SYN3: variants seen among roughly 807,000 people sequenced by gnomAD.
SYN3 encodes synapsin-3.
Under a neutral mutation model 65.8 loss-of-function variants are expected in SYN3, and 35 were observed. The observed-to-expected ratio is 0.53, with a 90% confidence interval of 0.41 to 0.70. SYN3 has a LOEUF of 0.70. Ranked by LOEUF, SYN3 falls within the 30% of genes least tolerant of loss-of-function variation. The pLI is 0.00. For synonymous variants in SYN3, 270 were observed against 292.9 expected (o/e 0.92, Z 0.80); for missense variants, 680 against 749.0 (o/e 0.91, Z 1.08).
chr22:32,978,230 G>A (rs1197380608), intron 3 of SYN3, among the ~76,000 whole-genome samples: 1 of 152,144 alleles, frequency 6.6e-6, no homozygotes, highest in Non-Finnish European at 1.5e-5. Context: ...TGATGGGGAT[G>A]AAGGGAGAAG....
At chr22:32,913,867 A>T (rs1224629499) in intron 4 of SYN3, among the ~76,000 whole-genome samples, 3 of 152,220 alleles carry the variant, frequency 2.0e-5, no homozygotes, top group Non-Finnish European at 4.4e-5. Flanking sequence ...AAAAATAGCA[A>T]AAGTCTCACT....
chr22:32,524,773 G>T (rs2057947319), intron 12 of SYN3, among the ~76,000 whole-genome samples: 1 of 152,184 alleles, frequency 6.6e-6, no homozygotes, highest in Non-Finnish European at 1.5e-5. Flanking sequence ...CACTTTGGGA[G>T]GCCGAGGCGG....
At chr22:32,626,512 G>A (rs765120759) in intron 6 of SYN3, among the ~76,000 whole-genome samples, 1 of 152,190 alleles carries the variant, frequency 6.6e-6, no homozygotes, top group Admixed American at 6.5e-5. Context: ...ACAGCTTTGA[G>A]TAAACAAGGA....
chr22:33,051,092 C>T (rs747948256), intron 1 of SYN3, among the ~76,000 whole-genome samples: 2 of 152,080 alleles, frequency 1.3e-5, no homozygotes, highest in African/African-American at 4.8e-5. Context: ...TCTACCTCTG[C>T]GATTTACAAG....
chr22:32,642,001 G>A (rs1203127741), intron 6 of SYN3, among the ~76,000 whole-genome samples: 1 of 151,996 alleles, frequency 6.6e-6, no homozygotes. Flanking sequence ...TTAAGTTTCC[G>A]GTTAAGGCCC....
chr22:32,913,874 C>T (rs2050122565), intron 4 of SYN3, among the ~76,000 whole-genome samples: 1 of 152,202 alleles, frequency 6.6e-6, no homozygotes, highest in Admixed American at 6.5e-5. Context: ...GCAAAAGTCT[C>T]ACTCTTTAAC....
At chr22:32,588,877 A>G (rs1001608757) in intron 7 of SYN3, among the ~76,000 whole-genome samples, 6 of 152,176 alleles carry the variant, frequency 3.9e-5, no homozygotes, top group African/African-American at 1.4e-4. Flanking sequence ...ACCAGGGAAG[A>G]GGCAAAAGCA....
chr22:32,626,122 A>C (rs910828036), intron 6 of SYN3, among the ~76,000 whole-genome samples: 1 of 152,172 alleles, frequency 6.6e-6, no homozygotes, highest in Admixed American at 6.5e-5. Context: ...GGGTGTTCCC[A>C]GTAGGCAGAG....
At chr22:32,892,030 C>T (rs2049461777) in intron 4 of SYN3, among the ~76,000 whole-genome samples, 1 of 151,826 alleles carries the variant, frequency 6.6e-6, no homozygotes, top group African/African-American at 2.4e-5. Flanking sequence ...GCGCATAGCT[C>T]ATACCTGTAA....
intron 6 of SYN3, among the ~76,000 whole-genome samples, chr22:32,645,222 A>T (rs5749476): frequency 1.3e-5 from 2 of 151,990 alleles, no homozygotes; most frequent in Non-Finnish European, 2.9e-5. Context: ...AGGGCCGAGG[A>T]GGGCAGATCA....
chr22:32,704,272 G>A (rs2060850083), intron 6 of SYN3, among the ~76,000 whole-genome samples: 2 of 151,948 alleles, frequency 1.3e-5, no homozygotes, highest in African/African-American at 4.8e-5. Context: ...TTGTGTTCAT[G>A]TGTTCACATC....
At chr22:32,777,591 C>A (rs2045939957) in intron 6 of SYN3, among the ~76,000 whole-genome samples, 1 of 152,144 alleles carries the variant, frequency 6.6e-6, no homozygotes, top group Admixed American at 6.5e-5. Flanking sequence ...GCTTCCTGAG[C>A]TCCTGTGTGT....
chr22:32,711,304 A>G (rs2060962211), intron 6 of SYN3, among the ~76,000 whole-genome samples: 1 of 152,184 alleles, frequency 6.6e-6, no homozygotes, highest in African/African-American at 2.4e-5. Flanking sequence ...GCATGGGGAG[A>G]CGATCTGAAC....
intron 12 of SYN3, chr22:32,519,321 T>TC (rs201489428): frequency 5.3e-5 from 8 of 151,998 alleles, no homozygotes; most frequent in Non-Finnish European, 1.0e-4. Context: ...TTTTTTTTTT[T>TC]CTCACGGGTA....
chr22:32,713,711 G>T (rs1366826865), intron 6 of SYN3, among the ~76,000 whole-genome samples: 1 of 151,718 alleles, frequency 6.6e-6, no homozygotes, highest in Non-Finnish European at 1.5e-5. Context: ...GGCGCCTGTA[G>T]TCCCAGCTAC....
intron 3 of SYN3, 97 bp from the exon 4 acceptor site, chr22:32,931,578 T>G (rs1380209808): frequency 1.3e-6 from 1 of 774,514 alleles, no homozygotes; most frequent in Admixed American, 2.1e-5. Context: ...AAAGTACACC[T>G]TTAAAGCTCC....
intron 7 of SYN3, among the ~76,000 whole-genome samples, chr22:32,561,074 G>A (rs945649967): frequency 3.9e-5 from 6 of 152,160 alleles, no homozygotes; most frequent in African/African-American, 1.4e-4. Context: ...AGGAGCAGTT[G>A]TGCCCACGAT....
chr22:32,570,416 G>A (rs2058743486), intron 7 of SYN3, among the ~76,000 whole-genome samples: 2 of 152,172 alleles, frequency 1.3e-5, no homozygotes, highest in South Asian at 4.1e-4. Context: ...AAAGTTAAAG[G>A]GTCTAGAGCG....
chr22:32,681,103 A>C (rs1199637810), intron 6 of SYN3, among the ~76,000 whole-genome samples: 1 of 152,202 alleles, frequency 6.6e-6, no homozygotes, highest in Admixed American at 6.5e-5. Flanking sequence ...AGGGTGATGT[A>C]GCTTGGTGAA....
Sources: allele counts gnomAD v4.1 joint callset (sites outside exome capture counted in the v4.1 genomes callset), GRCh38; gene constraint gnomAD v4.1.1; transcripts MANE v1.5; gene names NCBI Gene and HGNC (gene_info 2026-07-23, HGNC 2026-07-21).